STK39: variants seen among roughly 807,000 people sequenced by gnomAD.
STK39 encodes the protein serine/threonine kinase 39, also known as STE20/SPS1-related proline-alanine-rich protein kinase.
Under a neutral mutation model 77.8 loss-of-function variants are expected in STK39, and 20 were observed. The observed-to-expected ratio is 0.26, with a 90% CI of 0.18 to 0.37. The LOEUF (loss-of-function observed/expected upper bound fraction) is 0.37, where lower values mean the gene tolerates loss of function less well. STK39 is among the 10% of genes least tolerant of loss of function. The probability of loss-of-function intolerance (pLI) is 1.00; values close to 1 mark genes in which losing one functional copy is unlikely to be tolerated. For synonymous variants in STK39, 246 were observed against 234.1 expected, an observed-to-expected ratio of 1.05 and a Z score of -0.47; for missense variants, 479 against 656.5, an observed-to-expected ratio of 0.73 and a Z score of 2.95.
intron 1 of STK39, among the ~76,000 whole-genome samples, chr2:168,185,916 G>A (rs983287082): frequency 6.6e-6 from 1 of 152,106 alleles, no homozygotes. Context: ...GCTTCAAGTG[G>A]AATAAATCCT....
intron 8 of STK39, among the ~76,000 whole-genome samples, chr2:168,135,747 G>A (rs10202113): frequency 0.036 from 5,510 of 152,152 alleles, 224 homozygotes; most frequent in East Asian, 0.21. Flanking sequence ...CTCAACCTAC[G>A]TGTCTTTTCA....
intron 16 of STK39, among the ~76,000 whole-genome samples, chr2:167,978,019 T>C (rs1402880209): frequency 6.6e-6 from 1 of 152,164 alleles, no homozygotes; most frequent in Non-Finnish European, 1.5e-5. Flanking sequence ...GTTGCTGTCT[T>C]CTGTTCCTGG....
chr2:168,077,707 A>G (rs1322724953), intron 10 of STK39, among the ~76,000 whole-genome samples: 2 of 152,178 alleles, frequency 1.3e-5, no homozygotes, highest in Non-Finnish European at 2.9e-5. Flanking sequence ...TTTGAAACCC[A>G]GGTTTCATGG....
At chr2:168,210,169 T>C (rs1267450859) in intron 1 of STK39, among the ~76,000 whole-genome samples, 2 of 152,160 alleles carry the variant, frequency 1.3e-5, no homozygotes, top group African/African-American at 4.8e-5. Context: ...ATTGATAAAA[T>C]AGGCATATAT....
In STK39 at chr2:168,247,220, G is replaced by C; in HGVS notation, c.208+8C>G. ...CTGTGCCGGCCCCGCCGCGCCCGCCGCACTGACCGATAACCTCCTGCAGCT... is the reference window on the plus strand; with the variant it reads ...CTGTGCCGGCCCCGCCGCGCCCGCCCCACTGACCGATAACCTCCTGCAGCT... On this transcript the variant is annotated splice_region_variant and intron_variant, in intron 1 of 17. Transcript: ENST00000355999. 2 of 1,199,542 alleles carry C rather than the reference G, an allele frequency of 1.7e-6. No homozygotes were observed. Among genetic ancestry groups the C allele is most frequent in the South Asian group, 4.8e-5 (2 of 41,976 alleles). 74.3% of individuals were successfully genotyped at this position (1,199,542 alleles called of 1,614,324 possible).
intron 17 of STK39, among the ~76,000 whole-genome samples, chr2:167,958,415 A>C (rs553498755): frequency 6.6e-6 from 1 of 152,328 alleles, no homozygotes; most frequent in African/African-American, 2.4e-5. Flanking sequence ...TAATTCATTA[A>C]ACTTAACAAT....
chr2:168,236,597 A>G (rs1481557438), intron 1 of STK39, among the ~76,000 whole-genome samples: 1 of 152,222 alleles, frequency 6.6e-6, no homozygotes, highest in African/African-American at 2.4e-5. Context: ...CTAACATGTA[A>G]GTCTTTAATC....
chr2:168,057,307 C>T (rs1007349710), intron 14 of STK39, among the ~76,000 whole-genome samples: 8 of 152,176 alleles, frequency 5.3e-5, no homozygotes, highest in Non-Finnish European at 1.0e-4. Flanking sequence ...ATTCTCGTGC[C>T]TCAGCCTCCT....
intron 16 of STK39, among the ~76,000 whole-genome samples, chr2:167,973,268 C>G (rs1692400775): frequency 6.6e-6 from 1 of 152,144 alleles, no homozygotes; most frequent in African/African-American, 2.4e-5. Context: ...TTAGGCAGGT[C>G]AGATATTAGG....
chr2:168,205,582 G>T (rs562736630), intron 1 of STK39, among the ~76,000 whole-genome samples: 133 of 152,238 alleles, frequency 8.7e-4, no homozygotes, highest in African/African-American at 3.1e-3. Flanking sequence ...AGGAAGGTGG[G>T]GAGGGACGGG....
chr2:168,111,205 T>C (rs1275474782), intron 10 of STK39, among the ~76,000 whole-genome samples: 1 of 152,158 alleles, frequency 6.6e-6, no homozygotes, highest in Non-Finnish European at 1.5e-5. Flanking sequence ...GCAATATCCT[T>C]TTGGTTGTTG....
At chr2:167,993,737 G>C (rs1683762135) in intron 16 of STK39, among the ~76,000 whole-genome samples, 1 of 152,142 alleles carries the variant, frequency 6.6e-6, no homozygotes, top group African/African-American at 2.4e-5. Flanking sequence ...CACTCTAATT[G>C]AAAGTGCAGT....
In STK39 at chr2:168,095,272, G is replaced by A. The variant is rs574978069; in HGVS notation, c.1090-20041C>T. Among the ~76,000 whole-genome samples the A allele has an allele frequency of 2.6e-5, 4 of 152,254 alleles. No individual in the cohort carries two copies. The East Asian group carries it at 7.7e-4, about 29-fold the overall frequency. ...TCTAAGGCTTCCACACTCTGGACTCGATCCAGCTTTACAACCTAACTTCCT... is the reference window on the plus strand; with the variant it reads ...TCTAAGGCTTCCACACTCTGGACTCAATCCAGCTTTACAACCTAACTTCCT... On this transcript the variant is annotated intron_variant, in intron 10 of 17. Transcript: ENST00000355999.
chr2:168,023,753 T>C (rs930467826), intron 14 of STK39, among the ~76,000 whole-genome samples: 1 of 152,160 alleles, frequency 6.6e-6, no homozygotes, highest in Non-Finnish European at 1.5e-5. Flanking sequence ...TGGCATTGTA[T>C]ACCCTCCACC....
chr2:168,145,146 G>A (rs1688102735), intron 5 of STK39, among the ~76,000 whole-genome samples: 1 of 152,160 alleles, frequency 6.6e-6, no homozygotes, highest in African/African-American at 2.4e-5. Flanking sequence ...AGACTTGGAT[G>A]AGCAAGTCCA....
chr2:168,138,558 G>A (rs191132985), intron 7 of STK39, among the ~76,000 whole-genome samples: 80 of 152,310 alleles, frequency 5.3e-4, no homozygotes, highest in Admixed American at 5.9e-4. Flanking sequence ...AGCGGGTGGA[G>A]GAGAAGAGAG....
chr2:168,194,778 C>T (rs961153234), intron 1 of STK39, among the ~76,000 whole-genome samples: 24 of 152,214 alleles, frequency 1.6e-4, no homozygotes, highest in Admixed American at 5.9e-4. Flanking sequence ...AGCCTCCAGT[C>T]ATACTCACAT....
intron 1 of STK39, among the ~76,000 whole-genome samples, chr2:168,210,316 C>T (rs575025625): frequency 6.6e-6 from 1 of 152,314 alleles, no homozygotes; most frequent in East Asian, 1.9e-4. Flanking sequence ...AAAAGTTCAC[C>T]TCAAAGGTCA....
intron 10 of STK39, among the ~76,000 whole-genome samples, chr2:168,087,788 G>A (rs567919780): frequency 2.6e-5 from 4 of 152,140 alleles, no homozygotes; most frequent in African/African-American, 9.7e-5. Flanking sequence ...GCTAGCAGAA[G>A]AGCAATACCC....
Sources: gnomAD v4.1 joint callset for allele counts (sites outside exome capture counted in the v4.1 genomes callset) on GRCh38, gnomAD v4.1.1 for gene constraint, MANE v1.5 for transcripts, NCBI Gene and HGNC (gene_info 2026-07-23, HGNC 2026-07-21) for gene names.